SIRT1: variants seen among roughly 807,000 people sequenced by gnomAD.
The protein encoded by SIRT1 is sirtuin 1.
SIRT1 carries 24 observed loss-of-function variants against 67.9 expected under a neutral mutation model. That is an observed-to-expected ratio of 0.35 (90% confidence interval 0.26 to 0.50). SIRT1 has a LOEUF of 0.50. Ranked by LOEUF, SIRT1 falls within the 20% of genes least tolerant of loss-of-function variation. The pLI is 0.98. For missense variants in SIRT1, 873 were observed against 937.2 expected (o/e 0.93, Z 0.89); for synonymous variants, 378 against 350.7 (o/e 1.08, Z -0.87).
At chr10:67,886,417 A>T (rs1367742569) in intron 1 of SIRT1, among the ~76,000 whole-genome samples, 1 of 151,446 alleles carries the variant, frequency 6.6e-6, no homozygotes, top group Non-Finnish European at 1.5e-5. Context: ...ACATAGCGAG[A>T]CCTCCTCTCT....
intron 2 of SIRT1, among the ~76,000 whole-genome samples, chr10:67,888,080 C>G (rs1589067597): frequency 6.6e-6 from 1 of 152,190 alleles, no homozygotes; most frequent in Non-Finnish European, 1.5e-5. Flanking sequence ...ATACTCCTGT[C>G]TTTTCAGTGC....
intron 4 of SIRT1, among the ~76,000 whole-genome samples, chr10:67,902,961 C>T (rs546628025): frequency 5.9e-5 from 9 of 152,136 alleles, no homozygotes; most frequent in South Asian, 2.1e-4. Flanking sequence ...TGTGGTGGCG[C>T]GCACCTGTAG....
intron 4 of SIRT1, among the ~76,000 whole-genome samples, chr10:67,904,064 A>G (rs553752555): frequency 3.3e-5 from 5 of 151,236 alleles, no homozygotes; most frequent in Admixed American, 3.3e-4. Flanking sequence ...GGAGTGGTAT[A>G]TTAGAACAGT....
chr10:67,902,092 G>A (rs561975321), intron 4 of SIRT1, among the ~76,000 whole-genome samples: 7 of 152,170 alleles, frequency 4.6e-5, no homozygotes, highest in Middle Eastern at 3.2e-3. Context: ...AGGTACAAGC[G>A]ATTCTCCTGC....
chr10:67,902,962 G>A (rs144841263), intron 4 of SIRT1, among the ~76,000 whole-genome samples: 221 of 152,158 alleles, frequency 1.5e-3, no homozygotes, highest in African/African-American at 4.8e-3. Context: ...GTGGTGGCGC[G>A]CACCTGTAGT....
At chr10:67,909,534 T>G (rs566967289) in intron 7 of SIRT1, 92 bp downstream of exon 7, 2 of 1,088,624 alleles carry the variant, frequency 1.8e-6, no homozygotes, top group South Asian at 4.1e-5. Flanking sequence ...TTAACTCTGC[T>G]TCTGTTTGAA....
rs1021816786 is a variant in SIRT1 at position 67,884,890 on chromosome 10, G to A, written c.169G>A (p.Glu57Lys). ...GGGCGAGCCCGGTGGGGCGGCCCCA[G>A]AGCGTGAGGTGCCGGCGGCGGCCAG... ...SPGEPGGAAP[E>K]REVPAAARGC... The change falls in exon 1 of 9, where the codon GAG (glutamate) becomes AAG (lysine). Residue 57 changes from glutamate (E) to lysine (K), a missense_variant. Physicochemically the swap from Glu to Lys is moderately conservative, Grantham distance 56. This residue lies in a region of SIRT1 where 327 missense variants were observed against 283.9 expected (regional missense o/e 1.15). Transcript: ENST00000212015. 3 of 1,218,724 alleles carry A rather than the reference G, an allele frequency of 2.5e-6. No individual in the cohort carries two copies. The highest frequency in any genetic ancestry group is 3.2e-5 in the African/African-American group (2 of 63,394). 75.5% of individuals were successfully genotyped at this position (1,218,724 alleles called of 1,614,324 possible). A position where few individuals can be genotyped will look rare whatever the true frequency, so the allele number is the denominator to read the frequency against.
intron 4 of SIRT1, among the ~76,000 whole-genome samples, chr10:67,900,507 A>G (rs1208262938): frequency 6.6e-6 from 1 of 152,000 alleles, no homozygotes; most frequent in African/African-American, 2.4e-5. Context: ...TAGTAGTGTG[A>G]TCTTACAGCT....
intron 2 of SIRT1, 36 bp downstream of exon 2, chr10:67,887,569 G>A (rs199757651): frequency 5.6e-6 from 8 of 1,432,602 alleles, no homozygotes; most frequent in Middle Eastern, 1.8e-4. Context: ...GAGAGTAAAT[G>A]TACGGTTTTT....
At chr10:67,899,327 T>C (rs1164189752) in intron 4 of SIRT1, among the ~76,000 whole-genome samples, 4 of 150,688 alleles carry the variant, frequency 2.7e-5, no homozygotes. Context: ...TATATAAATA[T>C]ATATAATTAT....
At chr10:67,914,554 TTAGA>T (rs2029868577) in intron 8 of SIRT1, among the ~76,000 whole-genome samples, 1 of 152,218 alleles carries the variant, frequency 6.6e-6, no homozygotes, top group Admixed American at 6.5e-5. Flanking sequence ...TGCTACTGAC[TTAGA>T]TACACAGTTG....
At chr10:67,892,256 C>T (rs1196977959) in intron 4 of SIRT1, among the ~76,000 whole-genome samples, 1 of 152,012 alleles carries the variant, frequency 6.6e-6, no homozygotes, top group Non-Finnish European at 1.5e-5. Flanking sequence ...TTTTGAAATA[C>T]TTTTGATATT....
intron 6 of SIRT1, among the ~76,000 whole-genome samples, chr10:67,908,669 C>T (rs749100299): frequency 1.3e-5 from 2 of 152,024 alleles, no homozygotes; most frequent in African/African-American, 2.4e-5. Context: ...TTTGGGAGGA[C>T]GAGGTGGGTC....
chr10:67,900,903 T>A (rs1288165261), intron 4 of SIRT1, among the ~76,000 whole-genome samples: 1 of 152,194 alleles, frequency 6.6e-6, no homozygotes, highest in South Asian at 2.1e-4. Context: ...ACCTTTCAAA[T>A]TTTATTTTTA....
At chr10:67,903,157 G>A (rs1428636836) in intron 4 of SIRT1, among the ~76,000 whole-genome samples, 5 of 151,988 alleles carry the variant, frequency 3.3e-5, no homozygotes, top group African/African-American at 4.8e-5. Context: ...CCATTGGCAC[G>A]ATCATAGAGT....
At chr10:67,888,811 T>A (rs2236318) in intron 2 of SIRT1, 71 bp from the exon 3 acceptor site, 740,944 of 1,512,402 alleles carry the variant, frequency 0.49, 195,200 homozygotes, top group Non-Finnish European at 0.55. Context: ...GCTAACTCAT[T>A]ACTTCAGAAA....
intron 4 of SIRT1, among the ~76,000 whole-genome samples, chr10:67,892,242 A>C (rs1842585142): frequency 6.6e-6 from 1 of 152,198 alleles, no homozygotes; most frequent in South Asian, 2.1e-4. Context: ...TTAATTTTGA[A>C]TTCTTTTGAA....
chr10:67,914,059 ATTTTTTTTTTTT>A (rs57073724), intron 8 of SIRT1, among the ~76,000 whole-genome samples: 1 of 88,234 alleles, frequency 1.1e-5, no homozygotes, highest in East Asian at 3.6e-4. Context: ...CAAAAGGTAG[ATTTTTTTTTTTT>A]TTTTTTTTTT....
chr10:67,912,710 C>T lies in SIRT1; in HGVS notation c.1594C>T (p.Leu532Phe), dbSNP rs1450189602. 1.2e-6 allele frequency: 2 copies of T among 1,614,036 alleles called. No individual in the cohort carries two copies. Among genetic ancestry groups the T allele is most frequent in the African/African-American group, 2.7e-5 (2 of 74,928 alleles). The change falls in exon 8 of 9, where the codon CTT becomes TTT. Residue 532 changes from leucine (L) to phenylalanine (F), a missense_variant. Physicochemically the swap from Leu to Phe is conservative, Grantham distance 22. This residue lies in a region of SIRT1 where 295 missense variants were observed against 294.5 expected (regional missense o/e 1.00). Transcript: ENST00000212015. ...TTTGTCAGAGTTGCCACCCACACCT[C>T]TTCATGTTTCAGAAGACTCAAGTTC... The part of the protein sequence containing the change: ...AYLSELPPTP[L>F]HVSEDSSSPE...
Sources: gnomAD v4.1 joint callset for allele counts (sites outside exome capture counted in the v4.1 genomes callset) on GRCh38, gnomAD v4.1.1 for gene constraint, gnomAD v4.1.1 regional missense constraint, MANE v1.5 for transcripts, NCBI Gene and HGNC (gene_info 2026-07-23, HGNC 2026-07-21) for gene names.